The following SNTB1 variants were observed in gnomAD, a reference collection of about 807,000 sequenced individuals.
SNTB1 encodes syntrophin beta 1.
Under a neutral mutation model 48.9 loss-of-function variants are expected in SNTB1, and 36 were observed. That is an observed-to-expected ratio of 0.74 (90% CI 0.56 to 0.97). The LOEUF is 0.97. SNTB1 is among the 50% of genes least tolerant of loss of function. The pLI is 0.00. For missense variants in SNTB1, 786 were observed against 703.4 expected (o/e 1.12, Z -1.33); for synonymous variants, 299 against 294.6 (o/e 1.01, Z -0.15).
At chr8:120,682,883 T>G (rs1017892369) in intron 2 of SNTB1, among the ~76,000 whole-genome samples, 1 of 147,508 alleles carries the variant, frequency 6.8e-6, no homozygotes, top group Non-Finnish European at 1.5e-5. Flanking sequence ...GTTTTTAGTT[T>G]TTTTTTTTTT....
intron 1 of SNTB1, among the ~76,000 whole-genome samples, chr8:120,785,559 C>G (rs766593809): frequency 6.6e-6 from 1 of 152,224 alleles, no homozygotes; most frequent in African/African-American, 2.4e-5. Flanking sequence ...CCCTCTGATC[C>G]CCATTGGGGC....
chr8:120,679,094 G>A (rs1817886595), intron 2 of SNTB1, among the ~76,000 whole-genome samples: 1 of 152,164 alleles, frequency 6.6e-6, no homozygotes, highest in Non-Finnish European at 1.5e-5. Flanking sequence ...TAGGTCCTGG[G>A]TGCTTCCCCA....
At chr8:120,775,881 C>CT (rs1238704432) in intron 1 of SNTB1, among the ~76,000 whole-genome samples, 1 of 151,992 alleles carries the variant, frequency 6.6e-6, no homozygotes, top group Admixed American at 6.6e-5. Flanking sequence ...GGGCCCGGTT[C>CT]TTTTTTTATT....
intron 2 of SNTB1, among the ~76,000 whole-genome samples, chr8:120,667,679 C>T (rs1817696218): frequency 6.6e-6 from 1 of 152,044 alleles, no homozygotes; most frequent in Non-Finnish European, 1.5e-5. Flanking sequence ...TTCATAGGTG[C>T]CAAACATTGT....
chr8:120,677,420 T>C (rs950420206), intron 2 of SNTB1, among the ~76,000 whole-genome samples: 14 of 152,250 alleles, frequency 9.2e-5, no homozygotes, highest in African/African-American at 2.9e-4. Flanking sequence ...CTTCAAACTG[T>C]CAGCTACTAC....
At chr8:120,634,035 C>T (rs1169595897) in intron 2 of SNTB1, among the ~76,000 whole-genome samples, 1 of 152,104 alleles carries the variant, frequency 6.6e-6, no homozygotes, top group Admixed American at 6.5e-5. Context: ...CCCGCAACTA[C>T]CCCTTTTTAG....
At chr8:120,733,138 CAAAT>C (rs2129982374) in intron 1 of SNTB1, among the ~76,000 whole-genome samples, 1 of 152,274 alleles carries the variant, frequency 6.6e-6, no homozygotes, top group African/African-American at 2.4e-5. Context: ...ATGAGGTAGA[CAAAT>C]AGCCTTTCTA....
At chr8:120,660,709 C>T (rs978376906) in intron 2 of SNTB1, among the ~76,000 whole-genome samples, 1 of 152,210 alleles carries the variant, frequency 6.6e-6, no homozygotes, top group African/African-American at 2.4e-5. Context: ...TAACTTTCAG[C>T]CTATTTCAGC....
intron 2 of SNTB1, among the ~76,000 whole-genome samples, chr8:120,679,052 C>A (rs147106241): frequency 0.011 from 1,664 of 152,278 alleles, 27 homozygotes; most frequent in African/African-American, 0.037. Context: ...CTCCTCAGAC[C>A]CAAGGGTGGG....
At chr8:120,583,559 A>G (rs960433885) in intron 3 of SNTB1, among the ~76,000 whole-genome samples, 66 of 143,664 alleles carry the variant, frequency 4.6e-4, no homozygotes, top group African/African-American at 1.7e-3. Flanking sequence ...ACACACACAC[A>G]CAAAACTGGA....
At chr8:120,671,242 T>C (rs185079499) in intron 2 of SNTB1, among the ~76,000 whole-genome samples, 37 of 152,294 alleles carry the variant, frequency 2.4e-4, no homozygotes, top group African/African-American at 8.2e-4. Context: ...TGGCCTGCAA[T>C]AATGGGTTGA....
intron 6 of SNTB1, chr8:120,541,208 T>C (rs2130642087): frequency 6.6e-6 from 1 of 152,382 alleles, no homozygotes; most frequent in African/African-American, 2.4e-5. Flanking sequence ...ACTACTTGCA[T>C]TGAGACGAGA....
chr8:120,749,997 A>G (rs1218065591), intron 1 of SNTB1, among the ~76,000 whole-genome samples: 1 of 152,132 alleles, frequency 6.6e-6, no homozygotes, highest in Non-Finnish European at 1.5e-5. Flanking sequence ...TCCACCTGCA[A>G]ATTTTTAGTC....
chr8:120,588,573 T>A (rs1816187398), intron 3 of SNTB1, among the ~76,000 whole-genome samples: 1 of 151,034 alleles, frequency 6.6e-6, no homozygotes, highest in Non-Finnish European at 1.5e-5. Flanking sequence ...AAGGAGGGAG[T>A]CTAGTAGTAA....
intron 1 of SNTB1, among the ~76,000 whole-genome samples, chr8:120,695,553 A>C (rs1259085986): frequency 1.3e-5 from 2 of 152,186 alleles, no homozygotes; most frequent in Non-Finnish European, 2.9e-5. Flanking sequence ...GACATAAGAC[A>C]AAGTACACAA....
In SNTB1 at chr8:120,782,995, C is replaced by A. The variant is rs147759793; in HGVS notation, c.571+28278G>T. ...AGGAAGTTTAAGAGAGAAAAAGTTTCTCTTAATGAGTGTGTCTAATCAATA... is the reference window on the plus strand; with the variant it reads ...AGGAAGTTTAAGAGAGAAAAAGTTTATCTTAATGAGTGTGTCTAATCAATA... On this transcript the variant is annotated intron_variant, in intron 1 of 6. Coordinates refer to ENST00000517992, the MANE Select transcript of SNTB1 (RefSeq NM_021021.4). Among the ~76,000 whole-genome samples, 433 of 152,270 alleles carry A rather than the reference C, an allele frequency of 2.8e-3. 3 individuals carry two copies. Among genetic ancestry groups the A allele is most frequent in the African/African-American group, 9.9e-3 (412 of 41,552 alleles).
intron 1 of SNTB1, among the ~76,000 whole-genome samples, chr8:120,774,631 T>C (rs950534307): frequency 1.1e-4 from 17 of 152,072 alleles, no homozygotes; most frequent in Middle Eastern, 3.4e-3. Flanking sequence ...AGAGGAGGGT[T>C]TGTTGGTTTG....
At chr8:120,718,609 G>C (rs1283227741) in intron 1 of SNTB1, among the ~76,000 whole-genome samples, 9 of 152,240 alleles carry the variant, frequency 5.9e-5, no homozygotes, top group Admixed American at 1.3e-4. Context: ...ATTAGAAGTG[G>C]GTCTGGTTCT....
At chr8:120,793,829 C>G (rs920093930) in intron 1 of SNTB1, among the ~76,000 whole-genome samples, 1 of 151,930 alleles carries the variant, frequency 6.6e-6, no homozygotes, top group African/African-American at 2.4e-5. Context: ...GCTGCCAAAA[C>G]CCCCCAAAAT....
Sources: gnomAD v4.1 joint callset for allele counts (sites outside exome capture counted in the v4.1 genomes callset) on GRCh38, gnomAD v4.1.1 for gene constraint, MANE v1.5 for transcripts, NCBI Gene and HGNC (gene_info 2026-07-23, HGNC 2026-07-21) for gene names.